The following MID1 variants were observed in gnomAD, a reference collection of about 807,000 sequenced individuals.
MID1 encodes the protein E3 ubiquitin-protein ligase Midline-1.
In MID1, 7 loss-of-function variants were observed where a neutral mutation model predicts 40.4. The observed-to-expected ratio is 0.17, with a 90% CI of 0.10 to 0.33. The LOEUF (loss-of-function observed/expected upper bound fraction) is 0.33. Ranked by LOEUF, MID1 falls within the 10% of genes least tolerant of loss-of-function variation. The pLI is 1.00. For synonymous variants in MID1, 229 were observed against 221.2 expected (o/e 1.04, Z -0.31); for missense variants, 367 against 558.5 (o/e 0.66, Z 3.46).
At chrX:10,575,039 C>T (rs1412759136) in intron 1 of MID1, among the ~76,000 whole-genome samples, 1 of 112,664 alleles carries the variant, frequency 8.9e-6, no homozygotes, top group African/African-American at 3.2e-5. Context: ...GGTTTCAGAA[C>T]AGGAAGCTCC....
chrX:10,567,653 G>A (rs1172896125), intron 1 of MID1, 50 bp from the exon 2 acceptor site: 8 of 898,565 alleles, frequency 8.9e-6, no homozygotes, highest in South Asian at 6.2e-5. Flanking sequence ...GTCAACCATA[G>A]GGGGGTGTCA....
At chrX:10,797,549 C>A (rs2043975246) in intron 1 of MID1, among the ~76,000 whole-genome samples, 1 of 111,776 alleles carries the variant, frequency 8.9e-6, no homozygotes. Flanking sequence ...TGTCCCAGCA[C>A]ATAGTCGGTG....
intron 1 of MID1, among the ~76,000 whole-genome samples, chrX:10,632,705 C>T (rs1052097587): frequency 1.8e-5 from 2 of 111,153 alleles, no homozygotes; most frequent in African/African-American, 6.6e-5. Flanking sequence ...TTTGGAAATG[C>T]TTCTGTATAT....
At chrX:10,527,201 T>C (rs963056275) in intron 2 of MID1, among the ~76,000 whole-genome samples, 1 of 111,871 alleles carries the variant, frequency 8.9e-6, no homozygotes, top group African/African-American at 3.3e-5. Flanking sequence ...AAATTGGTTT[T>C]AGTTTCCTGT....
chrX:10,449,524 G>T lies in MID1; in HGVS notation c.1848C>A (p.Ala616=), dbSNP rs1463882129. The T allele has an allele frequency of 3.3e-6, 4 of 1,210,225 alleles. No homozygotes were observed. The African/African-American group carries it at 7.0e-5, about 21-fold the overall frequency. The change falls in exon 10 of 10, where the codon GCC becomes GCA. Residue 616 remains alanine, a synonymous_variant. Coordinates refer to ENST00000317552, the MANE Select transcript of MID1 (RefSeq NM_000381.4). ...ILLDYDNGSI[A]FYDALNSIHL... ...GGATGGAGTTCAAAGCATCATAAAA[G>T]GCGATAGAGCCGTTATCATAGTCCA...
chrX:10,730,257 T>C (rs1271708588), intron 1 of MID1, among the ~76,000 whole-genome samples: 1 of 110,773 alleles, frequency 9.0e-6, no homozygotes, highest in African/African-American at 3.3e-5. Context: ...TTGATCTGTA[T>C]ATGACAAGAA....
chrX:10,663,666 G>C (rs2042931851), intron 1 of MID1, among the ~76,000 whole-genome samples: 1 of 110,863 alleles, frequency 9.0e-6, no homozygotes, highest in Admixed American at 9.6e-5. Flanking sequence ...CTGAGCCAAA[G>C]CTGGACCTCT....
intron 1 of MID1, chrX:10,833,514 AC>A (rs1479635201): frequency 8.9e-6 from 1 of 112,496 alleles, no homozygotes; most frequent in African/African-American, 3.2e-5. Context: ...CAGGCGTGCC[AC>A]TTAGCAGAAG....
At chrX:10,584,301 A>G (rs944329249) in intron 1 of MID1, among the ~76,000 whole-genome samples, 1 of 112,594 alleles carries the variant, frequency 8.9e-6, no homozygotes, top group African/African-American at 3.2e-5. Context: ...CATTCAAACC[A>G]TAGCATATGG....
intron 1 of MID1, among the ~76,000 whole-genome samples, chrX:10,815,238 T>C (rs745342692): frequency 1.8e-5 from 2 of 112,049 alleles, no homozygotes; most frequent in Non-Finnish European, 3.8e-5. Context: ...TCTCATTTTA[T>C]AGACATAGCA....
At chrX:10,585,054 T>C (rs1602438104) in intron 1 of MID1, among the ~76,000 whole-genome samples, 1 of 110,894 alleles carries the variant, frequency 9.0e-6, no homozygotes, top group South Asian at 3.9e-4. Flanking sequence ...CTGGGAAGTT[T>C]TACAATGTCT....
intron 5 of MID1, among the ~76,000 whole-genome samples, chrX:10,476,940 A>G (rs777228669): frequency 1.8e-5 from 2 of 112,370 alleles, no homozygotes; most frequent in Middle Eastern, 4.6e-3. Context: ...TGAACACAAA[A>G]AGTCCTTAAA....
intron 1 of MID1, among the ~76,000 whole-genome samples, chrX:10,640,468 T>C (rs1936178315): frequency 9.0e-6 from 1 of 111,281 alleles, no homozygotes; most frequent in African/African-American, 3.3e-5. Context: ...GAGCTAACTG[T>C]CCTAAATATA....
At chrX:10,797,085 T>A (rs926630346) in intron 1 of MID1, among the ~76,000 whole-genome samples, 2 of 99,945 alleles carry the variant, frequency 2.0e-5, no homozygotes, top group East Asian at 5.6e-4. Context: ...ATCAACATAT[T>A]TTTTTTGCAA....
At chrX:10,519,989 G>T (rs1932629984) in intron 3 of MID1, among the ~76,000 whole-genome samples, 1 of 112,110 alleles carries the variant, frequency 8.9e-6, no homozygotes, top group African/African-American at 3.2e-5. Context: ...ACACTGATAG[G>T]ATCTTTCTGA....
intron 2 of MID1, among the ~76,000 whole-genome samples, chrX:10,562,326 G>C (rs1348989360): frequency 2.3e-5 from 2 of 87,676 alleles, no homozygotes; most frequent in Non-Finnish European, 4.2e-5. Flanking sequence ...CATGGCACAT[G>C]TATACTTATG....
intron 1 of MID1, among the ~76,000 whole-genome samples, chrX:10,725,083 C>T (rs1186823121): frequency 8.9e-6 from 1 of 111,855 alleles, no homozygotes; most frequent in Non-Finnish European, 1.9e-5. Flanking sequence ...CATTTCCCTG[C>T]AAAGAGGGAC....
chrX:10,777,364 A>AT (rs1379560273), intron 1 of MID1, among the ~76,000 whole-genome samples: 1 of 40,395 alleles, frequency 2.5e-5, no homozygotes, highest in Admixed American at 3.5e-4. Context: ...TGCCCGGCTA[A>AT]TTTTTTTGTA....
At chrX:10,517,613 CA>C (rs763381655) in intron 3 of MID1, among the ~76,000 whole-genome samples, 6 of 112,400 alleles carry the variant, frequency 5.3e-5, no homozygotes, top group African/African-American at 1.9e-4. Context: ...AAAGCCTTTC[CA>C]GCTCTCAACT....
Sources: allele counts gnomAD v4.1 joint callset (sites outside exome capture counted in the v4.1 genomes callset), GRCh38; gene constraint gnomAD v4.1.1; transcripts MANE v1.5; gene names NCBI Gene and HGNC (gene_info 2026-07-23, HGNC 2026-07-21).